Variants in CORIN observed in about 807,000 individuals in gnomAD.
The protein encoded by CORIN is atrial natriuretic peptide-converting enzyme.
A neutral mutation model predicts 125.3 loss-of-function variants in CORIN; 117 were observed. That is an observed-to-expected ratio of 0.93 (90% confidence interval 0.80 to 1.09). CORIN has a LOEUF of 1.09. Ranked by LOEUF, CORIN falls within the 50% of genes least tolerant of loss-of-function variation. CORIN has a pLI of 0.00. For missense variants in CORIN, 1,253 were observed against 1,306.7 expected (o/e 0.96, Z 0.63); for synonymous variants, 450 against 466.4 (o/e 0.96, Z 0.45).
chr4:47,602,148 G>A (rs1167182390), intron 20 of CORIN, among the ~76,000 whole-genome samples: 1 of 152,078 alleles, frequency 6.6e-6, no homozygotes, highest in Non-Finnish European at 1.5e-5. Flanking sequence ...GCACATGTCT[G>A]TAATCCCAGC....
chr4:47,734,378 C>G (rs1052573636), intron 5 of CORIN, among the ~76,000 whole-genome samples: 3 of 152,186 alleles, frequency 2.0e-5, no homozygotes, highest in Non-Finnish European at 2.9e-5. Flanking sequence ...ACACCCAACG[C>G]AAGTCCACAG....
At chr4:47,617,086 T>C (rs1722093200) in intron 19 of CORIN, among the ~76,000 whole-genome samples, 1 of 152,186 alleles carries the variant, frequency 6.6e-6, no homozygotes, top group South Asian at 2.1e-4. Context: ...ATTTTATTCA[T>C]GAAGTATAAG....
intron 3 of CORIN, among the ~76,000 whole-genome samples, chr4:47,775,190 T>C (rs922234043): frequency 3.3e-5 from 5 of 152,056 alleles, no homozygotes; most frequent in African/African-American, 1.2e-4. Flanking sequence ...TGTTGTTGTT[T>C]TTTTAATAAT....
chr4:47,726,497 A>G (rs1171335742), intron 5 of CORIN, among the ~76,000 whole-genome samples: 1 of 152,058 alleles, frequency 6.6e-6, no homozygotes, highest in African/African-American at 2.4e-5. Context: ...GAAAAGCCAA[A>G]CCAGAGATGT....
intron 5 of CORIN, among the ~76,000 whole-genome samples, chr4:47,740,794 A>G (rs903477712): frequency 5.9e-5 from 9 of 151,962 alleles, no homozygotes; most frequent in Non-Finnish European, 1.0e-4. Flanking sequence ...CCAGAAATAA[A>G]CCCATACATC....
chr4:47,652,565 A>G (rs1723780350), intron 13 of CORIN: 1 of 152,222 alleles, frequency 6.6e-6, no homozygotes, highest in Non-Finnish European at 1.5e-5. Context: ...ATTAAAGACC[A>G]TTGTCTGACT....
Position 47,694,485 on chromosome 4 carries a change from G to C in CORIN, c.800-1402C>G, listed in dbSNP as rs1257332956. Among the ~76,000 whole-genome samples the C allele has an allele frequency of 2.6e-5, 4 of 152,122 alleles. No individual in the cohort carries two copies. In the East Asian group the frequency reaches 7.7e-4, roughly 29 times the overall value. ...TGTGTGTGTGTGTGTTTGTGTATGTGTGTGTGTGTGTTGACTGTGTGGTCA... is the reference window on the plus strand; with the variant it reads ...TGTGTGTGTGTGTGTTTGTGTATGTCTGTGTGTGTGTTGACTGTGTGGTCA... On this transcript the variant is annotated intron_variant, in intron 5 of 21. Transcript: ENST00000273857.
chr4:47,770,195 C>T (rs1415580599), intron 3 of CORIN, among the ~76,000 whole-genome samples: 3 of 151,768 alleles, frequency 2.0e-5, no homozygotes, highest in Admixed American at 6.6e-5. Flanking sequence ...TGGGAAAAGG[C>T]CCTAAATAGA....
intron 19 of CORIN, among the ~76,000 whole-genome samples, chr4:47,611,308 A>T (rs1721857736): frequency 6.6e-6 from 1 of 152,022 alleles, no homozygotes; most frequent in South Asian, 2.1e-4. Flanking sequence ...AGAGGTCTTC[A>T]CTTCTCTTGT....
At chr4:47,736,966 C>G (rs892753349) in intron 5 of CORIN, among the ~76,000 whole-genome samples, 1 of 152,260 alleles carries the variant, frequency 6.6e-6, no homozygotes, top group Non-Finnish European at 1.5e-5. Context: ...GGTTGCCTTG[C>G]AAGGCATTTG....
intron 1 of CORIN, among the ~76,000 whole-genome samples, chr4:47,810,170 G>A (rs1577942976): frequency 9.0e-6 from 1 of 111,418 alleles, no homozygotes. Flanking sequence ...TTGGGCTTTT[G>A]TTTGTTTGTT....
chr4:47,816,468 T>C (rs949889791), intron 1 of CORIN, among the ~76,000 whole-genome samples: 1 of 152,168 alleles, frequency 6.6e-6, no homozygotes, highest in African/African-American at 2.4e-5. Context: ...TATAGGGCTA[T>C]AAAGATGAAG....
chr4:47,834,858 A>G (rs557651594), intron 1 of CORIN, among the ~76,000 whole-genome samples: 1 of 152,340 alleles, frequency 6.6e-6, no homozygotes, highest in African/African-American at 2.4e-5. Context: ...TCTAGTACGT[A>G]TTCCACAGTC....
intron 1 of CORIN, among the ~76,000 whole-genome samples, chr4:47,834,125 T>A (rs1396015208): frequency 6.6e-6 from 1 of 152,180 alleles, no homozygotes; most frequent in African/African-American, 2.4e-5. Flanking sequence ...TGAAAAGACA[T>A]CTGCATTCCC....
At chr4:47,803,675 T>G (rs796849541) in intron 2 of CORIN, among the ~76,000 whole-genome samples, 14 of 152,364 alleles carry the variant, frequency 9.2e-5, no homozygotes, top group African/African-American at 3.1e-4. Flanking sequence ...AAAACTAGAC[T>G]GCTATCTCTC....
At chr4:47,658,127 A>G (rs1724077092) in intron 12 of CORIN, among the ~76,000 whole-genome samples, 1 of 152,196 alleles carries the variant, frequency 6.6e-6, no homozygotes, top group Admixed American at 6.5e-5. Flanking sequence ...CCAAGATACA[A>G]TGGCTGTACA....
chr4:47,646,288 C>T (rs1723480970), intron 13 of CORIN, among the ~76,000 whole-genome samples: 1 of 152,004 alleles, frequency 6.6e-6, no homozygotes, highest in African/African-American at 2.4e-5. Flanking sequence ...GTTTTTTTAG[C>T]AAAAGAGGCT....
chr4:47,637,358 G>A (rs1418718256), intron 16 of CORIN, among the ~76,000 whole-genome samples: 1 of 152,168 alleles, frequency 6.6e-6, no homozygotes, highest in African/African-American at 2.4e-5. Flanking sequence ...GGCTGCAGAA[G>A]TAACGAGGAG....
intron 16 of CORIN, among the ~76,000 whole-genome samples, chr4:47,633,075 C>T (rs1722905114): frequency 6.6e-6 from 1 of 152,084 alleles, no homozygotes. Flanking sequence ...AGCCACTGCG[C>T]CCAGCCTATA....
Sources: gnomAD v4.1 joint callset for allele counts (sites outside exome capture counted in the v4.1 genomes callset) on GRCh38, gnomAD v4.1.1 for gene constraint, MANE v1.5 for transcripts, NCBI Gene and HGNC (gene_info 2026-07-23, HGNC 2026-07-21) for gene names.